GLIS3: variants seen among roughly 807,000 people sequenced by gnomAD.
The protein encoded by GLIS3 is GLIS family zinc finger 3, also known as zinc finger protein GLIS3.
GLIS3 carries 53 observed loss-of-function variants against 78.6 expected under a neutral mutation model. The observed-to-expected ratio is 0.67, with a 90% CI of 0.54 to 0.85. The LOEUF is 0.85. GLIS3 is among the 40% of genes least tolerant of loss of function. The pLI, the probability that GLIS3 is intolerant of heterozygous loss-of-function variation, is 0.00. For synonymous variants in GLIS3, 684 were observed against 509.9 expected, an observed-to-expected ratio of 1.34 and a Z score of -4.60; for missense variants, 1,703 against 1,231.1, an observed-to-expected ratio of 1.38 and a Z score of -5.74.
chr9:4,416,833 T>G, the GLIS3 span, among the ~76,000 whole-genome samples: 1 of 150,234 alleles, frequency 6.7e-6, no homozygotes, highest in Admixed American at 6.6e-5. Flanking sequence ...TTTTTTTTTT[T>G]TTTAGATGGA....
chr9:3,981,533 G>A (rs1819286736), intron 4 of GLIS3, among the ~76,000 whole-genome samples: 1 of 152,080 alleles, frequency 6.6e-6, no homozygotes, highest in Non-Finnish European at 1.5e-5. Flanking sequence ...GCCCTCCTAG[G>A]TGGCTCTGAT....
intron 2 of GLIS3, among the ~76,000 whole-genome samples, chr9:4,233,637 G>A (rs947468194): frequency 3.9e-5 from 6 of 152,158 alleles, no homozygotes; most frequent in Non-Finnish European, 7.3e-5. Context: ...AAAGGCCCTA[G>A]GATTTTCAAA....
intron 4 of GLIS3, among the ~76,000 whole-genome samples, chr9:4,064,889 C>T (rs781007677): frequency 7.9e-5 from 12 of 152,194 alleles, no homozygotes; most frequent in Non-Finnish European, 1.6e-4. Flanking sequence ...TCCCAATGTC[C>T]TGATCCAGAT....
chr9:3,846,249 C>G (rs1371058503), intron 9 of GLIS3, among the ~76,000 whole-genome samples: 1 of 152,140 alleles, frequency 6.6e-6, no homozygotes, highest in African/African-American at 2.4e-5. Flanking sequence ...CTAAAAATTT[C>G]CATAATACTG....
chr9:4,334,699 T>C (rs1039938123), intron 2 of GLIS3, among the ~76,000 whole-genome samples: 6 of 152,064 alleles, frequency 3.9e-5, no homozygotes, highest in Non-Finnish European at 8.8e-5. Context: ...ACTCCCTCAA[T>C]CCACACTACT....
intron 6 of GLIS3, among the ~76,000 whole-genome samples, chr9:3,909,221 T>A (rs1365794117): frequency 2.6e-5 from 4 of 152,222 alleles, no homozygotes; most frequent in Non-Finnish European, 5.9e-5. Context: ...CTTGTGGAAT[T>A]AACTCATTGC....
At chr9:4,138,549 T>C (rs1035298502) in intron 2 of GLIS3, among the ~76,000 whole-genome samples, 1 of 151,576 alleles carries the variant, frequency 6.6e-6, no homozygotes, top group Non-Finnish European at 1.5e-5. Flanking sequence ...ATATGAAGAG[T>C]TGGATGGCCA....
At chr9:4,142,873 G>A (rs938274774) in intron 2 of GLIS3, among the ~76,000 whole-genome samples, 2 of 152,098 alleles carry the variant, frequency 1.3e-5, no homozygotes, top group African/African-American at 4.8e-5. Context: ...GGATATGCAT[G>A]TTTCAGAGAA....
At chr9:4,373,342 T>C in the GLIS3 span, among the ~76,000 whole-genome samples, 2 of 152,102 alleles carry the variant, frequency 1.3e-5, no homozygotes, top group Admixed American at 6.5e-5. Flanking sequence ...CTGGGGGAAA[T>C]TGGGAAATCT....
chr9:4,338,877 ATTT>A (rs531385807), intron 2 of GLIS3, among the ~76,000 whole-genome samples: 1 of 151,974 alleles, frequency 6.6e-6, no homozygotes, highest in Admixed American at 6.6e-5. Context: ...GAGTCTTGGG[ATTT>A]TTTTTAAAGC....
At chr9:4,033,984 G>A (rs1824094107) in intron 4 of GLIS3, among the ~76,000 whole-genome samples, 2 of 151,826 alleles carry the variant, frequency 1.3e-5, no homozygotes, top group Admixed American at 1.3e-4. Flanking sequence ...CACTTTGGGA[G>A]GCTGAGGCAG....
At chr9:3,904,768 C>T (rs1278717495) in intron 6 of GLIS3, among the ~76,000 whole-genome samples, 1 of 152,196 alleles carries the variant, frequency 6.6e-6, no homozygotes, top group Admixed American at 6.5e-5. Flanking sequence ...ACTATTGTGA[C>T]TTCCACTGTA....
Position 4,125,768 on chromosome 9 carries a change from C to T in GLIS3, c.562G>A (p.Ala188Thr). The change falls in exon 3 of 11, where the codon GCA becomes ACA. Residue 188 changes from alanine (A) to threonine (T), a missense_variant. Transcript: ENST00000381971. The part of the protein sequence containing the change: ...ISPSLQRAMN[A>T]ANLNIPPSDT... ...GAAGGAGGTATATTCAGGTTGGCTG[C>T]ATTCATTGCCCTCTGTAAGCTAGGA... The T allele has an allele frequency of 6.2e-7, 1 of 1,614,016 alleles. No individual in the cohort carries two copies. Among genetic ancestry groups the T allele is most frequent in the Non-Finnish European group, 8.5e-7 (1 of 1,180,004 alleles).
the GLIS3 span, among the ~76,000 whole-genome samples, chr9:4,462,668 C>G: frequency 1.3e-5 from 2 of 151,088 alleles, no homozygotes; most frequent in South Asian, 4.2e-4. Context: ...CACACATTAG[C>G]TGGGTGTGTT....
the GLIS3 span, among the ~76,000 whole-genome samples, chr9:4,417,461 C>A: frequency 1.3e-5 from 2 of 152,162 alleles, no homozygotes; most frequent in African/African-American, 4.8e-5. Context: ...TCTTGGCAGT[C>A]TTTTCATATA....
At chr9:4,419,820 G>C in the GLIS3 span, among the ~76,000 whole-genome samples, 2 of 151,846 alleles carry the variant, frequency 1.3e-5, no homozygotes, top group Non-Finnish European at 2.9e-5. Context: ...AAAACAACCA[G>C]ATCTCATGAG....
At chr9:4,274,354 G>GT (rs1826797931) in intron 2 of GLIS3, among the ~76,000 whole-genome samples, 2 of 152,152 alleles carry the variant, frequency 1.3e-5, no homozygotes, top group Admixed American at 6.5e-5. Context: ...TTGTTGGGGT[G>GT]TTTTTTCATT....
At chr9:4,133,477 A>AG (rs1833130805) in intron 2 of GLIS3, among the ~76,000 whole-genome samples, 1 of 152,208 alleles carries the variant, frequency 6.6e-6, no homozygotes, top group Admixed American at 6.5e-5. Context: ...AGATGGTGGA[A>AG]GGAAAGAAGT....
chr9:4,335,634 G>A (rs1245249127), intron 2 of GLIS3, among the ~76,000 whole-genome samples: 2 of 152,120 alleles, frequency 1.3e-5, no homozygotes, highest in Non-Finnish European at 2.9e-5. Flanking sequence ...AGTACCCTAA[G>A]TAGCCCGGGG....
Sources: allele counts gnomAD v4.1 joint callset (sites outside exome capture counted in the v4.1 genomes callset), GRCh38; gene constraint gnomAD v4.1.1; transcripts MANE v1.5; gene names NCBI Gene and HGNC (gene_info 2026-07-23, HGNC 2026-07-21).